NPLOC4: variants seen among roughly 807,000 people sequenced by gnomAD.
NPLOC4 encodes the protein nuclear protein localization protein 4 homolog.
In NPLOC4, 18 loss-of-function variants were observed where a neutral mutation model predicts 80.6. The ratio of observed to expected loss-of-function variants is 0.22; its 90% CI spans 0.15 to 0.33. The LOEUF (loss-of-function observed/expected upper bound fraction) is 0.33. Ranked by LOEUF, NPLOC4 falls within the 10% of genes least tolerant of loss-of-function variation. NPLOC4 has a pLI of 1.00. For synonymous variants in NPLOC4, 313 were observed against 301.5 expected (o/e 1.04, Z -0.39); for missense variants, 540 against 786.1 (o/e 0.69, Z 3.74).
intron 3 of NPLOC4, among the ~76,000 whole-genome samples, chr17:81,618,710 A>G (rs1262971913): frequency 6.6e-6 from 1 of 151,676 alleles, no homozygotes; most frequent in Non-Finnish European, 1.5e-5. Context: ...GGTGTACCCA[A>G]CAGCTCATTG....
At position 81,559,826 on chromosome 17, in the gene NPLOC4, G is replaced by A. The variant is rs80174869; in HGVS notation, c.1670-410C>T. 0.013 allele frequency among the ~76,000 whole-genome samples: 1,874 copies of A among 144,928 alleles called. 101 individuals carry two copies. The East Asian group carries it at 0.15, about 12-fold the overall frequency. ...CGGCTCACTGCAACCTCCACCTCCC[G>A]GGTTCAAGCGGTTTTCCTGCCTCAG... On this transcript the variant is annotated intron_variant, in intron 16 of 16. Coordinates refer to ENST00000331134, the MANE Select transcript of NPLOC4 (RefSeq NM_017921.4).
intron 11 of NPLOC4, among the ~76,000 whole-genome samples, chr17:81,595,427 C>CAA (rs35337296): frequency 8.9e-4 from 64 of 71,980 alleles, no homozygotes; most frequent in African/African-American, 2.5e-3. Context: ...GTAAGACTGT[C>CAA]AAAAAAAAAA....
At position 81,625,801 on chromosome 17, in the gene NPLOC4, GA is replaced by G. The variant is rs141152097; in HGVS notation, c.97-3524del. ...TATAATCTGAAGGCAGAGATTTGGG[GA>G]AAAAAAAAACAGCCTTAGGAACCCA... On this transcript the variant is annotated intron_variant, in intron 2 of 16. Coordinates refer to ENST00000331134, the MANE Select transcript of NPLOC4 (RefSeq NM_017921.4). Among the ~76,000 whole-genome samples the G allele has an allele frequency of 6.9e-4, 101 of 145,956 alleles. 1 individual carries two copies. In the East Asian group the frequency reaches 0.015, roughly 21 times the overall value.
chr17:81,594,274 C>CAAAAAAAAAAAA (rs869281063), intron 11 of NPLOC4, among the ~76,000 whole-genome samples: 20 of 53,660 alleles, frequency 3.7e-4, no homozygotes, highest in African/African-American at 5.0e-4. Context: ...GACTCCGTCT[C>CAAAAAAAAAAAA]AAAAAAAAAA....
At chr17:81,622,086 G>A (rs2035684892) in intron 3 of NPLOC4, 80 bp downstream of exon 3, 1 of 958,832 alleles carries the variant, frequency 1.0e-6, no homozygotes, top group Non-Finnish European at 1.7e-6. Context: ...GAGGAAAGAG[G>A]ATAAAACTCG....
At chr17:81,603,755 G>C (rs2002978184) in intron 8 of NPLOC4, among the ~76,000 whole-genome samples, 1 of 151,872 alleles carries the variant, frequency 6.6e-6, no homozygotes, top group Non-Finnish European at 1.5e-5. Flanking sequence ...TTTTCTATTG[G>C]ATTTCAAGTG....
chr17:81,636,155 G>A (rs1048851568), intron 1 of NPLOC4, among the ~76,000 whole-genome samples: 4 of 151,958 alleles, frequency 2.6e-5, no homozygotes, highest in Admixed American at 2.6e-4. Context: ...ATTTTTAGTA[G>A]AGACAAGATT....
intron 3 of NPLOC4, among the ~76,000 whole-genome samples, chr17:81,619,899 G>T (rs2144287415): frequency 6.6e-6 from 1 of 151,904 alleles, no homozygotes; most frequent in African/African-American, 2.4e-5. Flanking sequence ...AAAAGGTGGG[G>T]GTACAGCACC....
intron 13 of NPLOC4, 45 bp from the exon 14 acceptor site, chr17:81,569,156 G>T: frequency 7.4e-7 from 1 of 1,346,818 alleles, no homozygotes; most frequent in Non-Finnish European, 1.1e-6. Flanking sequence ...GGCTGAAAAT[G>T]GTGTGGCCGA....
intron 1 of NPLOC4, among the ~76,000 whole-genome samples, chr17:81,634,918 C>A (rs899291609): frequency 6.6e-6 from 1 of 151,996 alleles, no homozygotes; most frequent in Admixed American, 6.6e-5. Context: ...GTTTCTTGGC[C>A]GGGCATGGTA....
chr17:81,564,044 G>A, intron 16 of NPLOC4: 2 of 404,582 alleles, frequency 4.9e-6, no homozygotes, highest in South Asian at 1.8e-5. Flanking sequence ...TTGCGCCACT[G>A]CACTCCAGCC....
At chr17:81,600,490 G>A in intron 8 of NPLOC4, 63 bp from the exon 9 acceptor site, 1 of 1,287,562 alleles carries the variant, frequency 7.8e-7, no homozygotes, top group Non-Finnish European at 1.1e-6. Context: ...AGCACCCCAA[G>A]CCCTTCCACT....
intron 13 of NPLOC4, among the ~76,000 whole-genome samples, chr17:81,571,169 T>G (rs1334231662): frequency 6.6e-6 from 1 of 152,146 alleles, no homozygotes; most frequent in African/African-American, 2.4e-5. Flanking sequence ...GACCTGCTGT[T>G]CCGAATGCAA....
At chr17:81,621,809 G>A (rs1227871645) in intron 3 of NPLOC4, among the ~76,000 whole-genome samples, 1 of 152,190 alleles carries the variant, frequency 6.6e-6, no homozygotes, top group African/African-American at 2.4e-5. Context: ...TCCTACCCAA[G>A]CCAGCAGGGC....
intron 12 of NPLOC4, among the ~76,000 whole-genome samples, chr17:81,574,893 A>C (rs927681048): frequency 2.6e-5 from 4 of 152,104 alleles, no homozygotes; most frequent in African/African-American, 9.7e-5. Context: ...ACACACACAC[A>C]CACACACAAA....
At position 81,567,801 on chromosome 17, in the gene NPLOC4, G is replaced by A; in HGVS notation, c.1450-268C>T. On this transcript the variant is annotated intron_variant, in intron 14 of 16. Coordinates refer to ENST00000331134, the MANE Select transcript of NPLOC4 (RefSeq NM_017921.4). The surrounding 1 kb of genome is among the most constrained non-coding windows in gnomAD (Gnocchi z 4.5). ...ATGCTTATAAAGCTGACTCAGACTG[G>A]CCAGGTGTGGAGGCTAACACAGTAA... 2.7e-6 allele frequency: 1 copy of A among 373,024 alleles called. No individual in the cohort carries two copies. Among genetic ancestry groups the A allele is most frequent in the Non-Finnish European group, 5.0e-6 (1 of 201,050 alleles). The allele number at this position is 373,024 out of a possible 1,614,324, so 23.1% of individuals were successfully genotyped here. A position where few individuals can be genotyped will look rare whatever the true frequency, so the allele number is the denominator to read the frequency against.
intron 2 of NPLOC4, among the ~76,000 whole-genome samples, chr17:81,627,310 T>A (rs796909325): frequency 3.6e-4 from 53 of 148,312 alleles, no homozygotes; most frequent in African/African-American, 1.0e-3. Flanking sequence ...GGAAATGGCA[T>A]GAACCTGGGA....
chr17:81,565,436 A>G, intron 16 of NPLOC4, 69 bp downstream of exon 16: 1 of 1,274,878 alleles, frequency 7.8e-7, no homozygotes, highest in Non-Finnish European at 1.1e-6. Context: ...GGCAGTGGGG[A>G]GCTGTGCAGA....
chr17:81,583,102 CTCT>C (rs1457391705), intron 12 of NPLOC4, among the ~76,000 whole-genome samples: 4 of 152,282 alleles, frequency 2.6e-5, no homozygotes, highest in Admixed American at 6.5e-5. Context: ...TTATTTTAAA[CTCT>C]TCTTCCTAAT....
Sources: allele counts gnomAD v4.1 joint callset (sites outside exome capture counted in the v4.1 genomes callset), GRCh38; gene constraint gnomAD v4.1.1; non-coding constraint Gnocchi (gnomAD v3.1); transcripts MANE v1.5; gene names NCBI Gene and HGNC (gene_info 2026-07-23, HGNC 2026-07-21).